Variants in ULK4 observed in about 807,000 individuals in gnomAD.
ULK4 encodes unc-51 like kinase 4, also known as inactive serine/threonine-protein kinase ULK4.
Under a neutral mutation model 160.6 loss-of-function variants are expected in ULK4, and 133 were observed. The observed-to-expected ratio is 0.83, with a 90% confidence interval of 0.72 to 0.96. ULK4 has a LOEUF of 0.96. ULK4 is among the 40% of genes least tolerant of loss of function. The probability of loss-of-function intolerance (pLI) is 0.00; values close to 1 mark genes in which losing one functional copy is unlikely to be tolerated. For missense variants in ULK4, 1,580 were observed against 1,499.5 expected (o/e 1.05, Z -0.89); for synonymous variants, 534 against 539.8 (o/e 0.99, Z 0.15).
At chr3:41,258,615 G>A (rs1354477244) in intron 35 of ULK4, 1 of 152,188 alleles carries the variant, frequency 6.6e-6, no homozygotes, top group African/African-American at 2.4e-5. Context: ...GAGTCCATGA[G>A]TGGATTTCAA....
chr3:41,301,436 T>C (rs912015286), intron 35 of ULK4, among the ~76,000 whole-genome samples: 4 of 152,172 alleles, frequency 2.6e-5, no homozygotes, highest in Non-Finnish European at 5.9e-5. Flanking sequence ...GGAACTGATA[T>C]AACACGTGAG....
intron 30 of ULK4, among the ~76,000 whole-genome samples, chr3:41,650,332 A>G (rs926141557): frequency 1.1e-4 from 16 of 152,182 alleles, no homozygotes; most frequent in Admixed American, 3.9e-4. Flanking sequence ...GCAAGAGACA[A>G]GAAGGAGAGA....
At chr3:41,791,312 TAG>T (rs2040143463) in intron 20 of ULK4, among the ~76,000 whole-genome samples, 1 of 152,156 alleles carries the variant, frequency 6.6e-6, no homozygotes, top group South Asian at 2.1e-4. Flanking sequence ...TTACTTTTAG[TAG>T]AGACAGGGTT....
intron 16 of ULK4, among the ~76,000 whole-genome samples, chr3:41,885,493 A>C (rs987495471): frequency 6.6e-6 from 1 of 152,120 alleles, no homozygotes; most frequent in African/African-American, 2.4e-5. Context: ...AGGTGCCCCC[A>C]GTGACTCGAC....
chr3:41,431,485 G>C (rs1172086366), intron 34 of ULK4, among the ~76,000 whole-genome samples: 1 of 146,200 alleles, frequency 6.8e-6, no homozygotes, highest in Non-Finnish European at 1.5e-5. Context: ...TGTGCTAAGA[G>C]TTCTTCATGC....
At chr3:41,901,478 C>CTTTTTTTTTTTTTTTTTTTTTTTT (rs1305478036) in intron 12 of ULK4, among the ~76,000 whole-genome samples, 2 of 22,946 alleles carry the variant, frequency 8.7e-5, no homozygotes, top group Non-Finnish European at 6.2e-4. Context: ...CCACGCCCAG[C>CTTTTTTTTTTTTTTTTTTTTTTTT]CTTTTTTTTT....
intron 1 of ULK4, among the ~76,000 whole-genome samples, chr3:41,959,219 G>A (rs1700585766): frequency 1.3e-5 from 2 of 152,070 alleles, no homozygotes; most frequent in Non-Finnish European, 2.9e-5. Context: ...CAAAAAATTA[G>A]CCAGGCATGG....
chr3:41,482,947 T>G (rs1054246094), intron 32 of ULK4, among the ~76,000 whole-genome samples: 1 of 152,228 alleles, frequency 6.6e-6, no homozygotes, highest in Non-Finnish European at 1.5e-5. Flanking sequence ...AGGCATCTGA[T>G]GTATAATAAT....
At chr3:41,642,229 T>G (rs1034347452) in intron 30 of ULK4, among the ~76,000 whole-genome samples, 2 of 152,122 alleles carry the variant, frequency 1.3e-5, no homozygotes, top group African/African-American at 4.8e-5. Flanking sequence ...AGGGTACATG[T>G]GCACAACGTG....
intron 27 of ULK4, among the ~76,000 whole-genome samples, chr3:41,702,901 T>C (rs1196733642): frequency 6.9e-6 from 1 of 145,844 alleles, no homozygotes; most frequent in African/African-American, 2.7e-5. Context: ...GTCACCAGCC[T>C]GGAGTGCAGC....
chr3:41,810,883 T>C (rs1470037161), intron 19 of ULK4, among the ~76,000 whole-genome samples: 1 of 152,176 alleles, frequency 6.6e-6, no homozygotes, highest in East Asian at 1.9e-4. Context: ...ATTATTTTAT[T>C]TCATTTTATT....
In ULK4 at chr3:41,580,426, T is replaced by C. The variant is rs116478041; in HGVS notation, c.3121-14296A>G. Among the ~76,000 whole-genome samples, 1,132 of 152,060 alleles carry C rather than the reference T, an allele frequency of 7.4e-3. 15 individuals carry two copies. Among genetic ancestry groups the C allele is most frequent in the African/African-American group, 0.025 (1,035 of 41,456 alleles). The stretch of plus-strand genomic sequence containing the variant: ...TTTGGGAGGCATAAGAAATCATCTA[T>C]ATATTGAAATTTGGATAGTTTCATT... On this transcript the variant is annotated intron_variant, in intron 31 of 36. Transcript: ENST00000301831.
rs369584882 is a variant in ULK4, at chr3:41,856,061, T to A, written c.1657-20090A>T. Among the ~76,000 whole-genome samples the A allele has an allele frequency of 2.6e-5, 4 of 152,196 alleles. No homozygotes were observed. The East Asian group carries it at 7.7e-4, about 29-fold the overall frequency. On this transcript the variant is annotated intron_variant, in intron 17 of 36. Coordinates refer to ENST00000301831, the MANE Select transcript of ULK4 (RefSeq NM_017886.4). ...AGCATGTCTTTAAAGAATTCTTTGA[T>A]GTGAGATGTTTAATTTGTATGCAAA...
intron 16 of ULK4, among the ~76,000 whole-genome samples, chr3:41,894,183 A>AG (rs537329829): frequency 1.4e-4 from 21 of 152,232 alleles, no homozygotes; most frequent in Non-Finnish European, 2.6e-4. Flanking sequence ...AAATGTCAGC[A>AG]GGGGGCACCC....
chr3:41,645,233 A>G (rs2034429125), intron 30 of ULK4, among the ~76,000 whole-genome samples: 1 of 151,626 alleles, frequency 6.6e-6, no homozygotes, highest in Non-Finnish European at 1.5e-5. Context: ...GCCTTCTGCT[A>G]GCTTTTGAAT....
chr3:41,823,218 T>C (rs1340912326), intron 18 of ULK4, among the ~76,000 whole-genome samples: 1 of 151,822 alleles, frequency 6.6e-6, no homozygotes, highest in Non-Finnish European at 1.5e-5. Flanking sequence ...CAGAAGAAAA[T>C]ATTAGAAGCA....
chr3:41,456,520 T>C (rs140680458), intron 33 of ULK4, among the ~76,000 whole-genome samples: 132 of 152,366 alleles, frequency 8.7e-4, no homozygotes, highest in Non-Finnish European at 1.5e-3. Flanking sequence ...TATGAATGTT[T>C]AGACTTAAAT....
chr3:41,901,638 C>T (rs551567145), intron 12 of ULK4, among the ~76,000 whole-genome samples: 35 of 151,690 alleles, frequency 2.3e-4, no homozygotes, highest in African/African-American at 8.0e-4. Context: ...TGCCACCATG[C>T]ACTGCTAATT....
chr3:41,443,046 G>C (rs375390481), intron 34 of ULK4, among the ~76,000 whole-genome samples: 101 of 152,182 alleles, frequency 6.6e-4, no homozygotes, highest in African/African-American at 2.2e-3. Context: ...TCAGTGTCAT[G>C]GACATTTCCC....
Sources: gnomAD v4.1 joint callset for allele counts (sites outside exome capture counted in the v4.1 genomes callset) on GRCh38, gnomAD v4.1.1 for gene constraint, MANE v1.5 for transcripts, NCBI Gene and HGNC (gene_info 2026-07-23, HGNC 2026-07-21) for gene names.